Variants in ADGRV1 observed in about 807,000 individuals in gnomAD.
ADGRV1 encodes the protein G-protein coupled receptor 98.
Under a neutral mutation model 596.2 loss-of-function variants are expected in ADGRV1, and 359 were observed. That is an observed-to-expected ratio of 0.60 (90% CI 0.55 to 0.66). The LOEUF (loss-of-function observed/expected upper bound fraction) is 0.66. Ranked by LOEUF, ADGRV1 falls within the 30% of genes least tolerant of loss-of-function variation. The pLI, the probability that ADGRV1 is intolerant of heterozygous loss-of-function variation, is 0.00. For synonymous variants in ADGRV1, 2,681 were observed against 2,679.2 expected, an observed-to-expected ratio of 1.00 and a Z score of -0.02; for missense variants, 7,274 against 7,575.6, an observed-to-expected ratio of 0.96 and a Z score of 1.48.
intron 16 of ADGRV1, among the ~76,000 whole-genome samples, chr5:90,647,262 T>C (rs1404414188): frequency 6.6e-6 from 1 of 152,168 alleles, no homozygotes; most frequent in Non-Finnish European, 1.5e-5. Context: ...TGCAATTTGC[T>C]GAGAAATTCG....
intron 67 of ADGRV1, 33 bp downstream of exon 67, chr5:90,784,090 AT>A: frequency 7.1e-7 from 1 of 1,414,780 alleles, no homozygotes; most frequent in Non-Finnish European, 9.8e-7. Flanking sequence ...TTTAAATATA[AT>A]TTTTGATAGA....
Position 90,694,817 on chromosome 5 carries a change from G to A in ADGRV1, c.7945+116G>A, listed in dbSNP as rs143189806. 4.3e-4 allele frequency: 434 copies of A among 1,015,388 alleles called. 3 individuals are homozygous for A. In the African/African-American group the frequency reaches 6.3e-3, roughly 15 times the overall value. 62.9% of individuals were successfully genotyped at this position (1,015,388 alleles called of 1,614,324 possible). A position where few individuals can be genotyped will look rare whatever the true frequency, so the allele number is the denominator to read the frequency against. The stretch of plus-strand genomic sequence containing the variant: ...TACATTCTTGTTAATATACAGAAAT[G>A]TAGTTTGGCTTTAGAAAAAAATAGA... On this transcript the variant is annotated intron_variant, in intron 33 of 89. Coordinates refer to ENST00000405460, the MANE Select transcript of ADGRV1 (RefSeq NM_032119.4).
intron 1 of ADGRV1, among the ~76,000 whole-genome samples, chr5:90,568,523 G>A (rs1235816273): frequency 6.6e-6 from 1 of 151,992 alleles, no homozygotes; most frequent in Non-Finnish European, 1.5e-5. Flanking sequence ...CTTGGTTTAG[G>A]ACCTTACATA....
chr5:90,908,856 AAC>A (rs1230625690), intron 83 of ADGRV1, among the ~76,000 whole-genome samples: 1 of 152,196 alleles, frequency 6.6e-6, no homozygotes. Flanking sequence ...CAAAAATGTA[AAC>A]ACAGTTGAGT....
At chr5:90,792,708 T>A (rs903177065) in intron 70 of ADGRV1, 2 of 152,208 alleles carry the variant, frequency 1.3e-5, no homozygotes, top group Non-Finnish European at 2.9e-5. Flanking sequence ...TTGAAATAAA[T>A]GTGAGCTATA....
Position 90,712,313 on chromosome 5 carries a change from G to T in ADGRV1, c.9069G>T (p.Arg3023Ser). ...PMILHFADGE[R>S]YKNVNIMILD... ...TTCTTCATTTTGCTGATGGAGAAAG[G>T]TATAAAAATGTCAATATCATGATTC... Residue 3023 changes from arginine (R) to serine (S), a missense_variant, in exon 42 of 90, where the codon AGG (arginine) becomes AGT (serine). Physicochemically the swap from Arg to Ser is moderately radical, Grantham distance 110. Coordinates refer to ENST00000405460, the MANE Select transcript of ADGRV1 (RefSeq NM_032119.4). 6.4e-7 allele frequency: 1 copy of T among 1,551,138 alleles called. No individual in the cohort carries two copies.
chr5:91,015,604 T>C (rs1783113037), intron 85 of ADGRV1, among the ~76,000 whole-genome samples: 1 of 152,076 alleles, frequency 6.6e-6, no homozygotes, highest in Non-Finnish European at 1.5e-5. Flanking sequence ...TTAGGTCCTT[T>C]AGGTGAATTA....
Position 90,802,166 on chromosome 5 carries a change from CAT to C in ADGRV1, c.14518-572_14518-571del, listed in dbSNP as rs144145370. Among the ~76,000 whole-genome samples, 694 of 152,202 alleles carry C rather than the reference CAT, an allele frequency of 4.6e-3. 2 individuals are homozygous for C. The highest frequency in any genetic ancestry group is 0.016 in the African/African-American group (658 of 41,524). On this transcript the variant is annotated intron_variant, in intron 70 of 89. Transcript: ENST00000405460. The stretch of plus-strand genomic sequence containing the variant: ...TGTCATTGGTGAAGCCATTTGGGCA[CAT>C]GTGAAAAATTTGAAAATTTGTGTTT...
At chr5:90,635,400 C>T (rs967200911) in intron 10 of ADGRV1, 110 bp downstream of exon 10, 1 of 960,392 alleles carries the variant, frequency 1.0e-6, no homozygotes, top group East Asian at 2.5e-5. Context: ...AAAGCTTCAG[C>T]ATGTACAAGA....
chr5:90,644,113 AG>A, intron 14 of ADGRV1, 130 bp downstream of exon 14: 1 of 628,068 alleles, frequency 1.6e-6, no homozygotes, highest in Non-Finnish European at 2.6e-6. Flanking sequence ...ATAGTGCGGA[AG>A]TTTTTTTTAG....
intron 79 of ADGRV1, among the ~76,000 whole-genome samples, chr5:90,849,386 T>G (rs540277372): frequency 6.6e-5 from 10 of 152,304 alleles, no homozygotes; most frequent in African/African-American, 2.2e-4. Context: ...TACCTCTATA[T>G]TAACTATATA....
At position 90,877,286 on chromosome 5, in the gene ADGRV1, G is replaced by A. The variant is rs1253717430; in HGVS notation, c.17856+13429G>A. 2.6e-5 allele frequency among the ~76,000 whole-genome samples: 4 copies of A among 152,160 alleles called. No homozygotes were observed. In the East Asian group the frequency reaches 7.7e-4, roughly 29 times the overall value. On this transcript the variant is annotated intron_variant, in intron 83 of 89. Coordinates refer to ENST00000405460, the MANE Select transcript of ADGRV1 (RefSeq NM_032119.4). ...TTTAGTTTGCAAGGAATCTGGGTTG[G>A]TTCAACTGGTTAAGAGCTGATGGTG...
At chr5:90,798,880 T>G (rs541762255) in intron 70 of ADGRV1, among the ~76,000 whole-genome samples, 2 of 152,318 alleles carry the variant, frequency 1.3e-5, no homozygotes, top group East Asian at 1.9e-4. Context: ...TCAGCAGCCC[T>G]TCATGCTAAA....
intron 86 of ADGRV1, among the ~76,000 whole-genome samples, chr5:91,074,178 A>G (rs1788643377): frequency 6.6e-6 from 1 of 151,778 alleles, no homozygotes; most frequent in Admixed American, 6.6e-5. Flanking sequence ...TTCTTTTTAC[A>G]TTTATTTTAG....
At chr5:90,938,506 C>A (rs1377358114) in intron 83 of ADGRV1, among the ~76,000 whole-genome samples, 1 of 152,104 alleles carries the variant, frequency 6.6e-6, no homozygotes, top group Non-Finnish European at 1.5e-5. Flanking sequence ...TAAAGACTTC[C>A]CCAGTGAATA....
rs750085621 is a variant in ADGRV1, at chr5:90,810,286, C to G, written c.15026C>G (p.Thr5009Ser). The G allele has an allele frequency of 6.3e-7, 1 of 1,598,978 alleles. No homozygotes were observed. Among genetic ancestry groups the G allele is most frequent in the South Asian group, 1.1e-5 (1 of 88,152 alleles). Residue 5009 changes from threonine to serine, a missense_variant, in exon 74 of 90, where the codon ACT (threonine) becomes AGT (serine). By Grantham distance (58) the Thr-to-Ser change is moderately conservative. This residue lies in a region of ADGRV1 where 1,874 missense variants were observed against 1,970.2 expected (regional missense o/e 0.95). Transcript: ENST00000405460. Reference sequence around the variant, plus strand: ...CCAATGGGCGTCTTCCAATTTTCCACTAGCTCAAGAAATATCATAGTGTCA... The same window carrying G: ...CCAATGGGCGTCTTCCAATTTTCCAGTAGCTCAAGAAATATCATAGTGTCA... ...IEPMGVFQFS[T>S]SSRNIIVSED...
At chr5:91,069,582 T>C (rs1788192373) in intron 85 of ADGRV1, among the ~76,000 whole-genome samples, 2 of 152,144 alleles carry the variant, frequency 1.3e-5, no homozygotes, top group South Asian at 4.1e-4. Context: ...CCTGTCAGAA[T>C]GGTCATTATT....
At chr5:90,618,316 G>A (rs1229895917) in intron 3 of ADGRV1, among the ~76,000 whole-genome samples, 1 of 152,104 alleles carries the variant, frequency 6.6e-6, no homozygotes, top group African/African-American at 2.4e-5. Flanking sequence ...AATACAAAAA[G>A]CGGGCATGGA....
chr5:91,065,924 T>G (rs1003797479), intron 85 of ADGRV1, among the ~76,000 whole-genome samples: 1 of 152,182 alleles, frequency 6.6e-6, no homozygotes, highest in African/African-American at 2.4e-5. Context: ...TAGGTTCTAA[T>G]AAGAAAATCT....
Sources: allele counts gnomAD v4.1 joint callset (sites outside exome capture counted in the v4.1 genomes callset), GRCh38; gene constraint gnomAD v4.1.1; regional missense constraint gnomAD v4.1.1; transcripts MANE v1.5; gene names NCBI Gene and HGNC (gene_info 2026-07-23, HGNC 2026-07-21).